RNLS: variants seen among roughly 807,000 people sequenced by gnomAD.
The protein encoded by RNLS is renalase.
Under a neutral mutation model 39.8 loss-of-function variants are expected in RNLS, and 39 were observed. The ratio of observed to expected loss-of-function variants is 0.98; its 90% CI spans 0.76 to 1.28. The LOEUF is 1.28. Among genes scored for constraint, RNLS ranks in the 50% most tolerant of loss-of-function variants. The pLI, the probability that RNLS is intolerant of heterozygous loss-of-function variation, is 0.00. For synonymous variants in RNLS, 147 were observed against 150.7 expected (o/e 0.98, Z 0.18); for missense variants, 410 against 413.3 (o/e 0.99, Z 0.07).
intron 4 of RNLS, among the ~76,000 whole-genome samples, chr10:88,365,031 C>A (rs978833427): frequency 6.6e-6 from 1 of 152,030 alleles, no homozygotes; most frequent in Admixed American, 6.6e-5. Flanking sequence ...CTCCCCACCC[C>A]CCTTTTTGCT....
the RNLS span, among the ~76,000 whole-genome samples, chr10:88,223,550 ACT>A: frequency 1.3e-5 from 2 of 152,198 alleles, no homozygotes; most frequent in African/African-American, 4.8e-5. Context: ...GGCACAAACC[ACT>A]GTTGGATGTG....
chr10:88,196,230 G>C, the RNLS span, among the ~76,000 whole-genome samples: 2 of 151,926 alleles, frequency 1.3e-5, no homozygotes, highest in Non-Finnish European at 1.5e-5. Flanking sequence ...AAAGTGGGAG[G>C]GTGGGAGGGT....
chr10:88,251,131 C>T, the RNLS span, among the ~76,000 whole-genome samples: 1 of 152,196 alleles, frequency 6.6e-6, no homozygotes, highest in African/African-American at 2.4e-5. Context: ...ATCACTCCTC[C>T]ATGACTGCTC....
intron 4 of RNLS, among the ~76,000 whole-genome samples, chr10:88,461,419 C>T (rs932286624): frequency 6.6e-6 from 1 of 152,222 alleles, no homozygotes; most frequent in Admixed American, 6.6e-5. Flanking sequence ...CCATGAAAGT[C>T]GGCTTCTCTT....
At position 88,365,946 on chromosome 10, in the gene RNLS, T is replaced by A. The variant is rs141854227; in HGVS notation, c.527-3221A>T. Among the ~76,000 whole-genome samples, 1,236 of 152,246 alleles carry A rather than the reference T, an allele frequency of 8.1e-3. 20 individuals carry two copies. The highest frequency in any genetic ancestry group is 0.029 in the South Asian group (139 of 4,828). ...GCTAATAATACATATTCTGCCCATTTTCTACATTTTTTGGTGACAATCAAA... is the reference window on the plus strand; with the variant it reads ...GCTAATAATACATATTCTGCCCATTATCTACATTTTTTGGTGACAATCAAA... On this transcript the variant is annotated intron_variant, in intron 4 of 6. Coordinates refer to ENST00000331772, the MANE Select transcript of RNLS (RefSeq NM_001031709.3).
chr10:88,221,878 C>T, the RNLS span, among the ~76,000 whole-genome samples: 1 of 152,070 alleles, frequency 6.6e-6, no homozygotes, highest in African/African-American at 2.4e-5. Flanking sequence ...GTTCCAGCAG[C>T]AAATCCGCTC....
chr10:88,376,902 G>C (rs1851046186), intron 4 of RNLS, among the ~76,000 whole-genome samples: 1 of 152,090 alleles, frequency 6.6e-6, no homozygotes, highest in Admixed American at 6.6e-5. Flanking sequence ...AAGGAAGTCT[G>C]TTTCAATAGT....
Position 88,349,691 on chromosome 10 carries a change from A to T in RNLS, c.700+12861T>A, listed in dbSNP as rs564517043. Among the ~76,000 whole-genome samples the T allele has an allele frequency of 4.9e-4, 74 of 152,038 alleles. 2 individuals are homozygous for T. In the East Asian group the frequency reaches 0.014, roughly 29 times the overall value. On this transcript the variant is annotated intron_variant, in intron 5 of 6. Coordinates refer to ENST00000331772, the MANE Select transcript of RNLS (RefSeq NM_001031709.3). ...CCTATTAATTTAAATAACAAAAAAT[A>T]TTTATTTTTACGTATGTATATATGT...
At chr10:88,475,488 T>C (rs897095348) in intron 4 of RNLS, among the ~76,000 whole-genome samples, 11 of 152,336 alleles carry the variant, frequency 7.2e-5, no homozygotes, top group South Asian at 2.1e-4. Flanking sequence ...TCAATGATCT[T>C]TTTAACCCTC....
chr10:88,436,534 A>G (rs148920291), intron 4 of RNLS, among the ~76,000 whole-genome samples: 2 of 152,290 alleles, frequency 1.3e-5, no homozygotes, highest in Non-Finnish European at 2.9e-5. Flanking sequence ...CCAAGCTTTT[A>G]CCATTTAATA....
chr10:88,237,712 G>T, the RNLS span, among the ~76,000 whole-genome samples: 1 of 152,126 alleles, frequency 6.6e-6, no homozygotes, highest in Non-Finnish European at 1.5e-5. Context: ...CACAAATAAG[G>T]CTGTATTTCT....
chr10:88,445,267 C>T (rs1262949258), intron 4 of RNLS, among the ~76,000 whole-genome samples: 1 of 152,176 alleles, frequency 6.6e-6, no homozygotes, highest in Non-Finnish European at 1.5e-5. Context: ...CAACCAAATG[C>T]TGAGAGACTC....
chr10:88,544,690 G>A (rs1848208348), intron 4 of RNLS, among the ~76,000 whole-genome samples: 2 of 152,208 alleles, frequency 1.3e-5, no homozygotes, highest in South Asian at 4.1e-4. Context: ...TGCATTCTTT[G>A]GTTTTGAAAT....
At chr10:88,345,670 T>G (rs536203645) in intron 5 of RNLS, among the ~76,000 whole-genome samples, 1 of 152,252 alleles carries the variant, frequency 6.6e-6, no homozygotes, top group Admixed American at 6.5e-5. Flanking sequence ...ATATTAGAAG[T>G]TTTGGATATA....
At chr10:88,432,157 T>C (rs1855172706) in intron 4 of RNLS, among the ~76,000 whole-genome samples, 1 of 151,762 alleles carries the variant, frequency 6.6e-6, no homozygotes, top group Admixed American at 6.6e-5. Context: ...GGTATACATG[T>C]ATTTAGGACT....
chr10:88,445,971 A>T (rs1187548770), intron 4 of RNLS, among the ~76,000 whole-genome samples: 1 of 152,216 alleles, frequency 6.6e-6, no homozygotes, highest in Non-Finnish European at 1.5e-5. Context: ...GACCTAACAG[A>T]CATCTGTAGA....
chr10:88,267,151 A>G, the RNLS span, among the ~76,000 whole-genome samples: 4 of 152,140 alleles, frequency 2.6e-5, no homozygotes, highest in African/African-American at 4.8e-5. Flanking sequence ...TTTGCAGAGG[A>G]CCCAAATTAA....
intron 4 of RNLS, among the ~76,000 whole-genome samples, chr10:88,501,811 T>C (rs568155565): frequency 1.3e-5 from 2 of 152,254 alleles, no homozygotes; most frequent in African/African-American, 4.8e-5. Context: ...AAGCAAACAA[T>C]TATATATTTC....
chr10:88,459,953 G>A lies in RNLS; in HGVS notation c.527-97228C>T, dbSNP rs180891262. Among the ~76,000 whole-genome samples the A allele has an allele frequency of 2.0e-3, 299 of 152,238 alleles. 5 individuals are homozygous for A. The South Asian group carries it at 0.037, about 19-fold the overall frequency. On this transcript the variant is annotated intron_variant, in intron 4 of 6. Transcript: ENST00000331772. ...TACCTCATATCCCAGACACTTTCTGGTGTCTTTTAGACTGACACTGGAAAA... is the reference window on the plus strand; with the variant it reads ...TACCTCATATCCCAGACACTTTCTGATGTCTTTTAGACTGACACTGGAAAA...
Sources: gnomAD v4.1 joint callset for allele counts (sites outside exome capture counted in the v4.1 genomes callset) on GRCh38, gnomAD v4.1.1 for gene constraint, MANE v1.5 for transcripts, NCBI Gene and HGNC (gene_info 2026-07-23, HGNC 2026-07-21) for gene names.